Variants in ENTHD1 observed in about 807,000 individuals in gnomAD.
ENTHD1 encodes ENTH domain-containing protein 1.
Under a neutral mutation model 39.1 loss-of-function variants are expected in ENTHD1, and 23 were observed. The observed-to-expected ratio is 0.59, with a 90% CI of 0.42 to 0.83. The LOEUF (loss-of-function observed/expected upper bound fraction) is 0.83, where lower values mean the gene tolerates loss of function less well. ENTHD1 is among the 40% of genes least tolerant of loss of function. ENTHD1 has a pLI of 0.00. For synonymous variants in ENTHD1, 230 were observed against 258.2 expected (o/e 0.89, Z 1.05); for missense variants, 624 against 705.4 (o/e 0.88, Z 1.31).
intron 6 of ENTHD1, among the ~76,000 whole-genome samples, chr22:39,752,256 C>T (rs1008330628): frequency 6.6e-6 from 1 of 152,058 alleles, no homozygotes; most frequent in Non-Finnish European, 1.5e-5. Flanking sequence ...ATATATGTTA[C>T]AACATGGATG....
At chr22:39,845,848 C>T (rs1008094995) in intron 3 of ENTHD1, among the ~76,000 whole-genome samples, 1 of 151,586 alleles carries the variant, frequency 6.6e-6, no homozygotes, top group Non-Finnish European at 1.5e-5. Context: ...CAGTTATATG[C>T]GTTGGAAAAT....
At chr22:39,793,872 A>G (rs2065525390) in intron 5 of ENTHD1, among the ~76,000 whole-genome samples, 1 of 152,146 alleles carries the variant, frequency 6.6e-6, no homozygotes, top group Non-Finnish European at 1.5e-5. Flanking sequence ...CTTGTAATAT[A>G]TTTTGAAGTC....
At chr22:39,762,794 C>T (rs923734914) in intron 6 of ENTHD1, among the ~76,000 whole-genome samples, 2 of 152,040 alleles carry the variant, frequency 1.3e-5, no homozygotes, top group Admixed American at 1.3e-4. Context: ...TGATGAAATT[C>T]TTCATCTTTC....
chr22:39,768,513 C>A (rs976355673), intron 5 of ENTHD1, among the ~76,000 whole-genome samples: 1 of 152,156 alleles, frequency 6.6e-6, no homozygotes, highest in Non-Finnish European at 1.5e-5. Context: ...ATAACTACTA[C>A]TTCTAGAAGC....
intron 3 of ENTHD1, among the ~76,000 whole-genome samples, chr22:39,849,234 A>G (rs989813217): frequency 1.3e-5 from 2 of 151,880 alleles, no homozygotes; most frequent in African/African-American, 4.8e-5. Flanking sequence ...AACTCTTAAA[A>G]CCCTTTTTGG....
chr22:39,817,579 A>G (rs956912233), intron 5 of ENTHD1, among the ~76,000 whole-genome samples: 2 of 152,206 alleles, frequency 1.3e-5, no homozygotes, highest in Non-Finnish European at 2.9e-5. Flanking sequence ...AACTGGTAAT[A>G]GTTCACTCTG....
intron 4 of ENTHD1, among the ~76,000 whole-genome samples, chr22:39,828,069 A>G (rs1157037501): frequency 6.6e-6 from 1 of 152,248 alleles, no homozygotes; most frequent in African/African-American, 2.4e-5. Context: ...ATACAGAAAG[A>G]TGTCCATGAT....
intron 5 of ENTHD1, among the ~76,000 whole-genome samples, chr22:39,767,909 C>G (rs531564136): frequency 4.6e-5 from 7 of 152,300 alleles, no homozygotes; most frequent in South Asian, 4.1e-4. Flanking sequence ...TACCCACCCC[C>G]TTTCCCAATA....
rs71326782 is a variant in ENTHD1 at position 39,765,176 on chromosome 22, T to TTGTGTGTGTGTGTGTG, written c.1219+31_1219+46dup. 14 of 1,403,014 alleles carry TTGTGTGTGTGTGTGTG rather than the reference T, an allele frequency of 1.0e-5. No individual in the cohort carries two copies. In the African/African-American group the frequency reaches 1.3e-4, roughly 13 times the overall value. The allele number at this position is 1,403,014 out of a possible 1,614,324, so 86.9% of individuals were successfully genotyped here. A position where few individuals can be genotyped will look rare whatever the true frequency, so the allele number is the denominator to read the frequency against. On this transcript the variant is annotated intron_variant, in intron 6 of 6. Transcript: ENST00000325157. The stretch of plus-strand genomic sequence containing the variant: ...ATAATGCTTCAAAAGAGGTTTTTTG[T>TTGTGTGTGTGTGTGTG]TGTGTGTGTGTGTGTGTGTGTGTGT...
intron 6 of ENTHD1, among the ~76,000 whole-genome samples, chr22:39,749,131 C>T (rs1325676762): frequency 6.6e-6 from 1 of 152,098 alleles, no homozygotes; most frequent in Admixed American, 6.5e-5. Flanking sequence ...TGCCGCATAC[C>T]AATTTACTTT....
At chr22:39,860,922 A>T (rs952846959) in intron 3 of ENTHD1, among the ~76,000 whole-genome samples, 1 of 152,246 alleles carries the variant, frequency 6.6e-6, no homozygotes, top group Non-Finnish European at 1.5e-5. Flanking sequence ...TCCCTCTGTT[A>T]TAAAAGTTCA....
intron 5 of ENTHD1, among the ~76,000 whole-genome samples, chr22:39,806,650 A>C (rs1299559975): frequency 6.6e-6 from 1 of 152,130 alleles, no homozygotes; most frequent in Non-Finnish European, 1.5e-5. Context: ...GCTCTCAAAA[A>C]ACTACAGTGG....
intron 5 of ENTHD1, among the ~76,000 whole-genome samples, chr22:39,783,804 A>C (rs997555724): frequency 2.6e-5 from 4 of 152,196 alleles, no homozygotes; most frequent in African/African-American, 9.6e-5. Flanking sequence ...TACTGAAGAA[A>C]ACATTGGGGA....
chr22:39,746,057 A>G (rs1182874563), intron 6 of ENTHD1, among the ~76,000 whole-genome samples: 2 of 152,190 alleles, frequency 1.3e-5, no homozygotes, highest in African/African-American at 2.4e-5. Context: ...TATTTCCTTC[A>G]GCCCCAGAAA....
chr22:39,815,870 A>G (rs2065729731), intron 5 of ENTHD1, among the ~76,000 whole-genome samples: 1 of 152,262 alleles, frequency 6.6e-6, no homozygotes, highest in Non-Finnish European at 1.5e-5. Context: ...AAATAAATTC[A>G]TAATGACTCT....
chr22:39,745,448 T>C (rs772779512), intron 6 of ENTHD1, among the ~76,000 whole-genome samples: 21 of 152,358 alleles, frequency 1.4e-4, no homozygotes, highest in Non-Finnish European at 2.4e-4. Flanking sequence ...GTAAAAACTA[T>C]GGCCAGGGCA....
intron 5 of ENTHD1, among the ~76,000 whole-genome samples, chr22:39,806,936 G>A (rs565717951): frequency 2.0e-5 from 3 of 152,186 alleles, no homozygotes; most frequent in African/African-American, 7.2e-5. Context: ...TATGGTGTTT[G>A]GGGGAAGCAG....
chr22:39,886,069 T>TA (rs533092576), intron 2 of ENTHD1, among the ~76,000 whole-genome samples: 10 of 139,204 alleles, frequency 7.2e-5, no homozygotes, highest in Admixed American at 7.0e-5. Flanking sequence ...TTTTTTTTTT[T>TA]AAAAAAAGGG....
At chr22:39,793,085 G>A (rs545592935) in intron 5 of ENTHD1, among the ~76,000 whole-genome samples, 18 of 151,950 alleles carry the variant, frequency 1.2e-4, no homozygotes, top group Non-Finnish European at 2.1e-4. Context: ...CTGCATCCTC[G>A]CCAGCATTCA....
Sources: gnomAD v4.1 joint callset for allele counts (sites outside exome capture counted in the v4.1 genomes callset) on GRCh38, gnomAD v4.1.1 for gene constraint, MANE v1.5 for transcripts, NCBI Gene and HGNC (gene_info 2026-07-23, HGNC 2026-07-21) for gene names.